SPOCK1: variants seen among roughly 807,000 people sequenced by gnomAD.
SPOCK1 encodes SPARC (osteonectin), cwcv and kazal like domains proteoglycan 1, also known as testican-1.
Under a neutral mutation model 55.3 loss-of-function variants are expected in SPOCK1, and 23 were observed. That is an observed-to-expected ratio of 0.42 (90% CI 0.30 to 0.59). The LOEUF is 0.59. SPOCK1 is among the 20% of genes least tolerant of loss of function. The pLI is 0.22. For synonymous variants in SPOCK1, 226 were observed against 221.0 expected (o/e 1.02, Z -0.20); for missense variants, 499 against 552.5 (o/e 0.90, Z 0.97).
At chr5:137,395,943 G>T (rs1168991147) in intron 2 of SPOCK1, among the ~76,000 whole-genome samples, 1 of 152,078 alleles carries the variant, frequency 6.6e-6, no homozygotes. Context: ...AAATAGAAAG[G>T]CTACAACTGC....
chr5:137,183,228 TG>T (rs1755003956), intron 3 of SPOCK1, among the ~76,000 whole-genome samples: 1 of 152,178 alleles, frequency 6.6e-6, no homozygotes, highest in Non-Finnish European at 1.5e-5. Context: ...CAGTCACATT[TG>T]GCAAAGAAGA....
At chr5:137,377,928 A>G (rs1229350067) in intron 2 of SPOCK1, among the ~76,000 whole-genome samples, 3 of 151,004 alleles carry the variant, frequency 2.0e-5, no homozygotes, top group Non-Finnish European at 2.9e-5. Flanking sequence ...GAAATGCAAT[A>G]CAATCACTTC....
At chr5:137,102,539 A>T (rs1026843612) in intron 5 of SPOCK1, among the ~76,000 whole-genome samples, 2 of 152,188 alleles carry the variant, frequency 1.3e-5, no homozygotes, top group African/African-American at 2.4e-5. Context: ...CTTTTATGCC[A>T]GTAACTGTCC....
At chr5:136,993,393 T>G (rs1750984785) in intron 6 of SPOCK1, among the ~76,000 whole-genome samples, 1 of 152,086 alleles carries the variant, frequency 6.6e-6, no homozygotes, top group African/African-American at 2.4e-5. Flanking sequence ...AGAAGGGAGT[T>G]GACTTTCCCT....
intron 2 of SPOCK1, 102 bp downstream of exon 2, chr5:137,498,271 C>CAG: frequency 1.2e-6 from 1 of 857,160 alleles, no homozygotes; most frequent in South Asian, 3.5e-5. Flanking sequence ...CCCAACCACA[C>CAG]ACACACACAC....
intron 2 of SPOCK1, among the ~76,000 whole-genome samples, chr5:137,492,877 G>A (rs1214004171): frequency 1.3e-5 from 2 of 152,226 alleles, no homozygotes; most frequent in South Asian, 4.1e-4. Context: ...CCTCTACACA[G>A]TGTAGCCCTT....
chr5:137,057,847 G>A (rs879686484), intron 6 of SPOCK1, among the ~76,000 whole-genome samples: 3 of 152,212 alleles, frequency 2.0e-5, no homozygotes, highest in Non-Finnish European at 4.4e-5. Context: ...TGGAAGAACA[G>A]TCAACCTCAG....
intron 3 of SPOCK1, among the ~76,000 whole-genome samples, chr5:137,144,005 A>C (rs1754146828): frequency 6.6e-6 from 1 of 152,122 alleles, no homozygotes; most frequent in African/African-American, 2.4e-5. Flanking sequence ...TATTCTTAAG[A>C]GGCTTTGGGG....
At chr5:137,357,297 G>C (rs1168786494) in intron 2 of SPOCK1, among the ~76,000 whole-genome samples, 1 of 152,166 alleles carries the variant, frequency 6.6e-6, no homozygotes, top group East Asian at 1.9e-4. Flanking sequence ...TAAGGACAAA[G>C]GGGTGAGTAG....
chr5:137,109,723 C>T (rs181408335), intron 5 of SPOCK1, among the ~76,000 whole-genome samples: 3 of 152,278 alleles, frequency 2.0e-5, no homozygotes, highest in Non-Finnish European at 4.4e-5. Flanking sequence ...CACTGACTTA[C>T]TGCACTGGCC....
chr5:137,413,435 T>TTAA (rs1224915569), intron 2 of SPOCK1, among the ~76,000 whole-genome samples: 4 of 152,186 alleles, frequency 2.6e-5, no homozygotes, highest in African/African-American at 4.8e-5. Context: ...TTAAACTGTT[T>TTAA]TAATAATAAT....
intron 5 of SPOCK1, among the ~76,000 whole-genome samples, chr5:137,071,953 G>A (rs182534296): frequency 2.3e-4 from 35 of 152,288 alleles, no homozygotes; most frequent in Admixed American, 1.2e-3. Flanking sequence ...AGTTAGTGGC[G>A]CTTTGTTACA....
chr5:137,420,855 T>C (rs377537830), intron 2 of SPOCK1, among the ~76,000 whole-genome samples: 5 of 152,138 alleles, frequency 3.3e-5, no homozygotes, highest in East Asian at 3.9e-4. Flanking sequence ...AATGTGTTTG[T>C]TCTTGCTTCT....
intron 8 of SPOCK1, 148 bp from the exon 9 acceptor site, chr5:136,985,350 C>T (rs542950432): frequency 3.3e-5 from 26 of 783,520 alleles, no homozygotes; most frequent in African/African-American, 3.1e-4. Context: ...AAAACAAATT[C>T]GGGCCATTAG....
At chr5:137,058,239 A>G (rs1752335794) in intron 6 of SPOCK1, among the ~76,000 whole-genome samples, 1 of 152,218 alleles carries the variant, frequency 6.6e-6, no homozygotes, top group African/African-American at 2.4e-5. Flanking sequence ...TGTAAGGGTA[A>G]GAGCACAAGT....
At chr5:137,214,413 T>C (rs1407663963) in intron 3 of SPOCK1, among the ~76,000 whole-genome samples, 1 of 152,204 alleles carries the variant, frequency 6.6e-6, no homozygotes, top group Non-Finnish European at 1.5e-5. Flanking sequence ...ATGTCACTTC[T>C]ACAAGGCTGA....
intron 2 of SPOCK1, among the ~76,000 whole-genome samples, chr5:137,324,369 C>G (rs141097929): frequency 6.6e-6 from 1 of 152,016 alleles, no homozygotes; most frequent in Non-Finnish European, 1.5e-5. Flanking sequence ...CGCTTGAACC[C>G]GGGAGGCAGA....
intron 3 of SPOCK1, among the ~76,000 whole-genome samples, chr5:137,169,006 C>A (rs945308800): frequency 3.3e-5 from 5 of 152,066 alleles, no homozygotes; most frequent in African/African-American, 1.2e-4. Flanking sequence ...CAATGGAGTA[C>A]TATTCAGCCA....
At position 137,162,131 on chromosome 5, in the gene SPOCK1, CT is replaced by C. The variant is rs566233599; in HGVS notation, c.233-21438del. Among the ~76,000 whole-genome samples the C allele has an allele frequency of 2.8e-3, 368 of 131,758 alleles. 1 individual carries two copies. The highest frequency in any genetic ancestry group is 3.8e-3 in the African/African-American group (133 of 35,256). The allele number at this position is 131,758 out of a possible 152,430, so 86.4% of individuals were successfully genotyped here. The stretch of plus-strand genomic sequence containing the variant: ...CATTTGTTCTAGTCTCTAATGCTTT[CT>C]TTTTTTTTTTTTTTTTCCTCTTGAG... On this transcript the variant is annotated intron_variant, in intron 3 of 10. Transcript: ENST00000394945.
Sources: gnomAD v4.1 joint callset for allele counts (sites outside exome capture counted in the v4.1 genomes callset) on GRCh38, gnomAD v4.1.1 for gene constraint, MANE v1.5 for transcripts, NCBI Gene and HGNC (gene_info 2026-07-23, HGNC 2026-07-21) for gene names.